TAFA1: variants seen among roughly 807,000 people sequenced by gnomAD.
TAFA1 encodes the protein chemokine-like protein TAFA-1.
TAFA1 carries 4 observed loss-of-function variants against 18.5 expected under a neutral mutation model. The observed-to-expected ratio is 0.22, with a 90% CI of 0.11 to 0.49. The LOEUF (loss-of-function observed/expected upper bound fraction) is 0.49. Ranked by LOEUF, TAFA1 falls within the 20% of genes least tolerant of loss-of-function variation. TAFA1 has a pLI of 0.98. For missense variants in TAFA1, 147 were observed against 169.0 expected, an observed-to-expected ratio of 0.87 and a Z score of 0.72; for synonymous variants, 56 against 55.2, an observed-to-expected ratio of 1.01 and a Z score of -0.06.
chr3:68,335,271 G>A (rs2068952031), intron 2 of TAFA1, among the ~76,000 whole-genome samples: 1 of 152,184 alleles, frequency 6.6e-6, no homozygotes, highest in Non-Finnish European at 1.5e-5. Flanking sequence ...AGTAAATGGA[G>A]AGTCAGAGGC....
chr3:68,291,735 T>G (rs2068113719), intron 2 of TAFA1, among the ~76,000 whole-genome samples: 1 of 152,168 alleles, frequency 6.6e-6, no homozygotes, highest in African/African-American at 2.4e-5. Context: ...TTTCAAAGTA[T>G]TTTGAATCAA....
chr3:68,345,310 C>A (rs1205100634), intron 2 of TAFA1, among the ~76,000 whole-genome samples: 1 of 152,096 alleles, frequency 6.6e-6, no homozygotes, highest in African/African-American at 2.4e-5. Context: ...GCAGAGAGGC[C>A]TAGAAGAAGA....
intron 2 of TAFA1, among the ~76,000 whole-genome samples, chr3:68,256,392 C>CA (rs1194735023): frequency 6.6e-6 from 1 of 152,100 alleles, no homozygotes; most frequent in Non-Finnish European, 1.5e-5. Context: ...GCTGGGAGAC[C>CA]AAGACCTTGA....
chr3:68,337,366 C>T (rs565379914), intron 2 of TAFA1, among the ~76,000 whole-genome samples: 11 of 152,156 alleles, frequency 7.2e-5, no homozygotes, highest in Middle Eastern at 3.4e-3. Context: ...CTTACTGTCA[C>T]GAGTAGAACA....
chr3:68,270,154 C>G (rs909949653), intron 2 of TAFA1, among the ~76,000 whole-genome samples: 1 of 152,166 alleles, frequency 6.6e-6, no homozygotes, highest in Admixed American at 6.5e-5. Context: ...TGCTTCATCA[C>G]TATCTATACA....
intron 2 of TAFA1, among the ~76,000 whole-genome samples, chr3:68,385,153 G>C (rs1305912347): frequency 1.3e-5 from 2 of 152,052 alleles, no homozygotes; most frequent in East Asian, 3.9e-4. Flanking sequence ...GGTAATAATA[G>C]AGCCTACCTC....
intron 2 of TAFA1, among the ~76,000 whole-genome samples, chr3:68,338,279 T>C (rs948991599): frequency 2.0e-5 from 3 of 152,206 alleles, no homozygotes; most frequent in African/African-American, 7.2e-5. Flanking sequence ...CAAACCTGTA[T>C]TTAATTCCAA....
At chr3:68,286,550 AAAG>A (rs2068012213) in intron 2 of TAFA1, among the ~76,000 whole-genome samples, 1 of 152,188 alleles carries the variant, frequency 6.6e-6, no homozygotes. Context: ...CGGAGGATGC[AAAG>A]AAGGATTAAT....
chr3:68,463,688 C>G (rs1372202664), intron 3 of TAFA1, among the ~76,000 whole-genome samples: 1 of 152,140 alleles, frequency 6.6e-6, no homozygotes, highest in African/African-American at 2.4e-5. Context: ...CAAGGAGAAG[C>G]TTTGCTAGTT....
intron 2 of TAFA1, among the ~76,000 whole-genome samples, chr3:68,237,576 A>G (rs2066943539): frequency 6.6e-6 from 1 of 152,212 alleles, no homozygotes; most frequent in African/African-American, 2.4e-5. Flanking sequence ...AACTCCTGGC[A>G]TCCTGAGGGG....
At chr3:68,183,923 G>T (rs946560990) in intron 2 of TAFA1, among the ~76,000 whole-genome samples, 1 of 152,126 alleles carries the variant, frequency 6.6e-6, no homozygotes, top group Non-Finnish European at 1.5e-5. Flanking sequence ...TAACCACAGT[G>T]AGGGATGTAA....
chr3:68,493,397 A>T (rs1444085235), intron 3 of TAFA1, among the ~76,000 whole-genome samples: 1 of 152,224 alleles, frequency 6.6e-6, no homozygotes, highest in African/African-American at 2.4e-5. Context: ...GTTGATGGAC[A>T]CTTGGGTTGC....
At chr3:68,025,474 T>G (rs1316450534) in intron 2 of TAFA1, among the ~76,000 whole-genome samples, 1 of 152,150 alleles carries the variant, frequency 6.6e-6, no homozygotes, top group Non-Finnish European at 1.5e-5. Context: ...GTTAGTCAGG[T>G]CTTGTCAGTC....
intron 2 of TAFA1, among the ~76,000 whole-genome samples, chr3:68,347,452 C>T (rs750222787): frequency 2.0e-5 from 3 of 152,182 alleles, no homozygotes. Flanking sequence ...CACCATAACA[C>T]TTTCTGTATA....
At chr3:68,354,196 C>G (rs2069322373) in intron 2 of TAFA1, among the ~76,000 whole-genome samples, 1 of 151,580 alleles carries the variant, frequency 6.6e-6, no homozygotes, top group Non-Finnish European at 1.5e-5. Flanking sequence ...TAGGATACCA[C>G]AATGCTTTTA....
At chr3:68,471,788 A>G (rs981600456) in intron 3 of TAFA1, among the ~76,000 whole-genome samples, 4 of 152,168 alleles carry the variant, frequency 2.6e-5, no homozygotes, top group African/African-American at 7.2e-5. Flanking sequence ...GCATCCTTCA[A>G]TCCTATCAAG....
intron 2 of TAFA1, among the ~76,000 whole-genome samples, chr3:68,282,776 G>T (rs144015946): frequency 6.4e-4 from 97 of 152,232 alleles, no homozygotes; most frequent in African/African-American, 2.3e-3. Context: ...TTATGTTTAA[G>T]TCCCCCAACC....
At chr3:68,328,802 C>G (rs2068815319) in intron 2 of TAFA1, among the ~76,000 whole-genome samples, 1 of 151,956 alleles carries the variant, frequency 6.6e-6, no homozygotes, top group East Asian at 1.9e-4. Context: ...AGAGCAGAAA[C>G]AGATGAACTT....
At chr3:68,486,762 T>C (rs2072348712) in intron 3 of TAFA1, among the ~76,000 whole-genome samples, 2 of 152,208 alleles carry the variant, frequency 1.3e-5, no homozygotes, top group Admixed American at 1.3e-4. Flanking sequence ...ATTCAGTTAA[T>C]TACCTGGATG....
Sources: allele counts gnomAD v4.1 joint callset (sites outside exome capture counted in the v4.1 genomes callset), GRCh38; gene constraint gnomAD v4.1.1; transcripts MANE v1.5; gene names NCBI Gene and HGNC (gene_info 2026-07-23, HGNC 2026-07-21).